The following NRXN3 variants were observed in gnomAD, a reference collection of about 807,000 sequenced individuals.
NRXN3 encodes the protein neurexin 3, also known as neurexin III.
Under a neutral mutation model 137.6 loss-of-function variants are expected in NRXN3, and 32 were observed. The ratio of observed to expected loss-of-function variants is 0.23; its 90% confidence interval spans 0.18 to 0.31. NRXN3 has a LOEUF of 0.31. Among genes scored for constraint, NRXN3 ranks in the 10% least tolerant of loss-of-function variants. The probability of loss-of-function intolerance (pLI) is 1.00; values close to 1 mark genes in which losing one functional copy is unlikely to be tolerated. For synonymous variants in NRXN3, 798 were observed against 784.5 expected (o/e 1.02, Z -0.29); for missense variants, 1,574 against 2,062.5 (o/e 0.76, Z 4.59).
intron 19 of NRXN3, among the ~76,000 whole-genome samples, chr14:79,718,758 AT>A (rs953418134): frequency 2.6e-5 from 4 of 151,572 alleles, no homozygotes; most frequent in Non-Finnish European, 4.4e-5. Context: ...GCAGTTTTTA[AT>A]TTTTTTTTAT....
intron 15 of NRXN3, among the ~76,000 whole-genome samples, chr14:79,409,289 C>T (rs1044806871): frequency 1.3e-5 from 2 of 151,466 alleles, no homozygotes; most frequent in Admixed American, 6.6e-5. Flanking sequence ...AACAGGAGCT[C>T]AGGGTAGCAG....
At chr14:79,805,962 C>G (rs1340082205) in intron 20 of NRXN3, among the ~76,000 whole-genome samples, 1 of 152,126 alleles carries the variant, frequency 6.6e-6, no homozygotes, top group Non-Finnish European at 1.5e-5. Flanking sequence ...CTACATATGA[C>G]CTAATGTCCA....
chr14:78,410,816 G>A (rs1385456850), intron 4 of NRXN3, among the ~76,000 whole-genome samples: 1 of 152,196 alleles, frequency 6.6e-6, no homozygotes, highest in Non-Finnish European at 1.5e-5. Flanking sequence ...TATATATGGG[G>A]TTACTAGAAG....
chr14:79,333,832 C>A (rs1214473494), intron 15 of NRXN3, among the ~76,000 whole-genome samples: 1 of 152,090 alleles, frequency 6.6e-6, no homozygotes, highest in East Asian at 1.9e-4. Context: ...AAGAGCCTTG[C>A]ATTGGAGTTG....
At chr14:78,541,313 C>T (rs2096587502) in intron 4 of NRXN3, among the ~76,000 whole-genome samples, 1 of 152,146 alleles carries the variant, frequency 6.6e-6, no homozygotes, top group Admixed American at 6.5e-5. Context: ...TTGTTCATTT[C>T]TTTTTACTCT....
At chr14:78,601,539 G>A (rs930797265) in intron 4 of NRXN3, among the ~76,000 whole-genome samples, 6 of 151,322 alleles carry the variant, frequency 4.0e-5, no homozygotes, top group East Asian at 3.9e-4. Context: ...TGCAAGCTCC[G>A]TCTCCTGGGT....
rs1567037899 is a variant in NRXN3 at position 78,235,038 on chromosome 14, G to GTGTATATATATATA, written c.-703-7350_-703-7349insATATATATATATGT. On this transcript the variant is annotated intron_variant, in intron 1 of 20. Transcript: ENST00000335750. Reference sequence around the variant, plus strand: ...TATATATATATGTGTATATATATATGTGTGTGTGTGTGTGTGTGTCTTTTT... The same window carrying GTGTATATATATATA: ...TATATATATATGTGTATATATATATGTGTATATATATATATGTGTGTGTGTGTGTGTGTCTTTTT... Among the ~76,000 whole-genome samples the GTGTATATATATATA allele has an allele frequency of 3.7e-3, 283 of 76,660 alleles. 6 individuals are homozygous for GTGTATATATATATA. The highest frequency in any genetic ancestry group is 7.4e-3 in the Admixed American group (45 of 6,112). The allele number at this position is 76,660 out of a possible 152,430, so 50.3% of individuals were successfully genotyped here.
intron 4 of NRXN3, among the ~76,000 whole-genome samples, chr14:78,584,515 A>T (rs2097040494): frequency 6.6e-6 from 1 of 152,202 alleles, no homozygotes; most frequent in Non-Finnish European, 1.5e-5. Flanking sequence ...TGGTCATCAA[A>T]CACACACCAT....
intron 19 of NRXN3, among the ~76,000 whole-genome samples, chr14:79,737,234 TG>T (rs1467507661): frequency 1.3e-5 from 2 of 152,206 alleles, no homozygotes; most frequent in Non-Finnish European, 2.9e-5. Flanking sequence ...GTCCACTTTG[TG>T]GTTTTGCTGT....
intron 4 of NRXN3, among the ~76,000 whole-genome samples, chr14:78,489,991 T>G (rs2095634524): frequency 6.6e-6 from 1 of 151,760 alleles, no homozygotes; most frequent in South Asian, 2.1e-4. Context: ...CTTGGCTCAC[T>G]GCAACCTCTG....
chr14:78,831,892 T>C (rs553969383), intron 10 of NRXN3, among the ~76,000 whole-genome samples: 1 of 152,252 alleles, frequency 6.6e-6, no homozygotes, highest in African/African-American at 2.4e-5. Flanking sequence ...AAAAATTCTT[T>C]CAAAATAAAT....
chr14:78,607,887 A>G (rs1327096845), intron 4 of NRXN3, among the ~76,000 whole-genome samples: 2 of 152,126 alleles, frequency 1.3e-5, no homozygotes, highest in African/African-American at 4.8e-5. Context: ...CTAGAGTAGA[A>G]GAGTTGACTG....
At chr14:79,051,083 C>T (rs1352315783) in intron 15 of NRXN3, among the ~76,000 whole-genome samples, 1 of 152,128 alleles carries the variant, frequency 6.6e-6, no homozygotes, top group Non-Finnish European at 1.5e-5. Flanking sequence ...AGGTTTAAAA[C>T]CCTGCCCCAC....
chr14:79,188,585 C>T (rs147682351), intron 15 of NRXN3, among the ~76,000 whole-genome samples: 1 of 152,246 alleles, frequency 6.6e-6, no homozygotes, highest in Non-Finnish European at 1.5e-5. Context: ...CTTCAAACTC[C>T]CCAGAGGGGA....
At chr14:78,816,977 C>A (rs1048768467) in intron 10 of NRXN3, among the ~76,000 whole-genome samples, 6 of 152,174 alleles carry the variant, frequency 3.9e-5, no homozygotes, top group Non-Finnish European at 7.4e-5. Context: ...TATCAGAAAT[C>A]TTTTAATAGC....
intron 15 of NRXN3, among the ~76,000 whole-genome samples, chr14:79,219,672 G>A (rs2069178984): frequency 6.6e-6 from 1 of 152,050 alleles, no homozygotes; most frequent in Admixed American, 6.6e-5. Flanking sequence ...GACTTCTAAG[G>A]GAAAATGCAA....
intron 15 of NRXN3, among the ~76,000 whole-genome samples, chr14:79,363,961 T>C (rs2093781469): frequency 6.6e-6 from 1 of 152,166 alleles, no homozygotes; most frequent in Non-Finnish European, 1.5e-5. Flanking sequence ...ACCTACTCTT[T>C]AGTAGACATA....
intron 15 of NRXN3, chr14:79,314,298 G>A (rs2153232576): frequency 8.9e-6 from 1 of 111,792 alleles, no homozygotes; most frequent in East Asian, 2.7e-4. Flanking sequence ...CAAAGAAAGG[G>A]GTGACGGACG....
At chr14:79,453,421 C>A (rs1290191089) in intron 15 of NRXN3, among the ~76,000 whole-genome samples, 1 of 152,174 alleles carries the variant, frequency 6.6e-6, no homozygotes, top group Admixed American at 6.5e-5. Flanking sequence ...TGATTACAAC[C>A]ACATGCAGAC....
Sources: allele counts gnomAD v4.1 joint callset (sites outside exome capture counted in the v4.1 genomes callset), GRCh38; gene constraint gnomAD v4.1.1; transcripts MANE v1.5; gene names NCBI Gene and HGNC (gene_info 2026-07-23, HGNC 2026-07-21).